RAPH1: variants seen among roughly 807,000 people sequenced by gnomAD.
RAPH1 encodes the protein Ras association (RalGDS/AF-6) and pleckstrin homology domains 1, also known as ras-associated and pleckstrin homology domains-containing protein 1.
In RAPH1, 18 loss-of-function variants were observed where a neutral mutation model predicts 88.1. The ratio of observed to expected loss-of-function variants is 0.20; its 90% CI spans 0.14 to 0.30. RAPH1 has a LOEUF of 0.30. Ranked by LOEUF, RAPH1 falls within the 10% of genes least tolerant of loss-of-function variation. RAPH1 has a pLI of 1.00. For synonymous variants in RAPH1, 587 were observed against 559.0 expected (o/e 1.05, Z -0.71); for missense variants, 1,448 against 1,543.2 (o/e 0.94, Z 1.03).
intron 4 of RAPH1, among the ~76,000 whole-genome samples, chr2:203,486,082 C>A: frequency 7.1e-6 from 1 of 140,876 alleles, no homozygotes. Context: ...TAAGGATAAT[C>A]CTGAAGACTA....
At chr2:203,465,752 T>A (rs1453820598) in intron 4 of RAPH1, among the ~76,000 whole-genome samples, 1 of 152,018 alleles carries the variant, frequency 6.6e-6, no homozygotes, top group African/African-American at 2.4e-5. Context: ...TGGTGGGCGC[T>A]TGTAATCCCA....
intron 1 of RAPH1, among the ~76,000 whole-genome samples, chr2:203,521,397 TA>T (rs1689862209): frequency 6.6e-6 from 1 of 152,140 alleles, no homozygotes; most frequent in African/African-American, 2.4e-5. Flanking sequence ...ATTGTTTATA[TA>T]AAATTCAAAA....
In RAPH1 at chr2:203,440,867, G is replaced by A; in HGVS notation, c.2323C>T (p.Pro775Ser). 6 of 1,441,724 alleles carry A rather than the reference G, an allele frequency of 4.2e-6. No individual in the cohort carries two copies. The highest frequency in any genetic ancestry group is 5.7e-6 in the Non-Finnish European group (6 of 1,049,046). The allele number at this position is 1,441,724 out of a possible 1,614,324, so 89.3% of individuals were successfully genotyped here. Reference sequence around the variant, plus strand: ...ACAAGGGGTTTTGGGGGAGCTTGGGGAGGGAGGGGTGCAGGGATAGGAGGA... The same window carrying A: ...ACAAGGGGTTTTGGGGGAGCTTGGGAAGGGAGGGGTGCAGGGATAGGAGGA... ...PPPPIPAPLP[P>S]QAPPKPLVTI... Residue 775 changes from proline to serine, a missense_variant, in exon 14 of 14, where the codon CCC (proline) becomes TCC (serine). By Grantham distance (74) the Pro-to-Ser change is moderately conservative. Coordinates refer to ENST00000319170, the MANE Select transcript of RAPH1 (RefSeq NM_213589.3).
At chr2:203,503,565 A>C (rs1688840978) in intron 1 of RAPH1, among the ~76,000 whole-genome samples, 1 of 152,164 alleles carries the variant, frequency 6.6e-6, no homozygotes, top group African/African-American at 2.4e-5. Flanking sequence ...GATACAATTC[A>C]AGTTGAGATT....
At position 203,439,881 on chromosome 2, in the gene RAPH1, G is replaced by A. The variant is rs1338464109; in HGVS notation, c.3309C>T (p.Val1103=). 4 of 1,613,852 alleles carry A rather than the reference G, an allele frequency of 2.5e-6. No individual in the cohort carries two copies. Among genetic ancestry groups the A allele is most frequent in the Non-Finnish European group, 3.4e-6 (4 of 1,180,002 alleles). Residue 1103 remains valine, a synonymous_variant, in exon 14 of 14, where the codon GTC becomes GTT. Transcript: ENST00000319170. The stretch of plus-strand genomic sequence containing the variant: ...ACCATTGTTGTGGTTGAGGATTAAC[G>A]ACTGCCACTTTTGGAGAGGTGTTTC... The part of the protein sequence containing the change: ...FSGNTSPKVA[V]VNPQPQQWSK...
intron 2 of RAPH1, 150 bp downstream of exon 2, chr2:203,495,084 T>A: frequency 1.3e-6 from 1 of 760,712 alleles, no homozygotes; most frequent in Non-Finnish European, 2.1e-6. Flanking sequence ...TGTTCTAGAA[T>A]GACTTCATTT....
intron 4 of RAPH1, among the ~76,000 whole-genome samples, chr2:203,478,245 A>G (rs2105772075): frequency 6.6e-6 from 1 of 152,174 alleles, no homozygotes; most frequent in South Asian, 2.1e-4. Flanking sequence ...AGTGTTAGCT[A>G]GGATGGTCTC....
intron 2 of RAPH1, among the ~76,000 whole-genome samples, chr2:203,493,053 T>C (rs1688344562): frequency 6.6e-6 from 1 of 152,212 alleles, no homozygotes; most frequent in Non-Finnish European, 1.5e-5. Flanking sequence ...AACAAGAAAC[T>C]TGAGGTTTTA....
intron 4 of RAPH1, among the ~76,000 whole-genome samples, chr2:203,475,531 C>T (rs1388713667): frequency 3.9e-5 from 6 of 152,142 alleles, no homozygotes; most frequent in South Asian, 2.1e-4. Context: ...TTTGTCATTA[C>T]AATTATAAAT....
At chr2:203,503,429 C>A (rs114534881) in intron 1 of RAPH1, among the ~76,000 whole-genome samples, 4,086 of 152,128 alleles carry the variant, frequency 0.027, 109 homozygotes, top group African/African-American at 0.068. Flanking sequence ...AAAGTGGAAA[C>A]CCATGATAAA....
At position 203,440,798 on chromosome 2, in the gene RAPH1, C is replaced by T; in HGVS notation, c.2392G>A (p.Val798Met). 1 of 1,596,490 alleles carries T rather than the reference C, an allele frequency of 6.3e-7. No individual in the cohort carries two copies. Among genetic ancestry groups the T allele is most frequent in the Non-Finnish European group, 8.5e-7 (1 of 1,173,112 alleles). The change falls in exon 14 of 14, where the codon GTG becomes ATG. Residue 798 changes from valine (V) to methionine (M), a missense_variant. Transcript: ENST00000319170. Reference sequence around the variant, plus strand: ...GGTGTGGGTGGTGCAGCTTGAGTCACAACAGGTGCCACAGTCTTGGTGCTG... The same window carrying T: ...GGTGTGGGTGGTGCAGCTTGAGTCATAACAGGTGCCACAGTCTTGGTGCTG... ...PTSTKTVAPVVTQAAPPTPTP... is the reference protein window; with the variant it reads ...PTSTKTVAPVMTQAAPPTPTP...
chr2:203,532,704 T>C (rs1690444279), intron 1 of RAPH1, among the ~76,000 whole-genome samples: 1 of 152,230 alleles, frequency 6.6e-6, no homozygotes, highest in African/African-American at 2.4e-5. Flanking sequence ...AATACATTTT[T>C]ATTGAGATTA....
rs2098511681 is a variant in RAPH1 at position 203,448,183 on chromosome 2, G to A, written c.1513-104C>T. 2.7e-6 allele frequency: 3 copies of A among 1,096,938 alleles called. No homozygotes were observed. The highest frequency in any genetic ancestry group is 1.7e-5 in the South Asian group (1 of 60,278). 68.0% of individuals were successfully genotyped at this position (1,096,938 alleles called of 1,614,324 possible). A position where few individuals can be genotyped will look rare whatever the true frequency, so the allele number is the denominator to read the frequency against. ...ATTTCTGTTTACTGATTGATGGTCT[G>A]TATTAAAATTAATACCTATGATAGT... On this transcript the variant is annotated intron_variant, in intron 11 of 13. Coordinates refer to ENST00000319170, the MANE Select transcript of RAPH1 (RefSeq NM_213589.3). This position sits in a 1 kb window ranked among gnomAD's most constrained non-coding sequence, Gnocchi z 4.1.
rs139750792 is a variant in RAPH1 at position 203,477,147 on chromosome 2, A to T, written c.732+12437T>A. ...GCCTGCTTGCTGGAACATCTCAGAG[A>T]AATAGCATGCTGTGAAAATGCAGTA... On this transcript the variant is annotated intron_variant, in intron 4 of 13. Transcript: ENST00000319170. 6.6e-5 allele frequency: 106 copies of T among 1,613,858 alleles called. No individual in the cohort carries two copies. In the African/African-American group the frequency reaches 1.3e-3, roughly 20 times the overall value.
chr2:203,448,048 T>G lies in RAPH1; in HGVS notation c.1544A>C (p.Glu515Ala). Reference sequence around the variant, plus strand: ...GGCTGACTCTGTCCTCTTCAAGGCTTCTTGGTAGTTCATATAGAGCTGCTT... The same window carrying G: ...GGCTGACTCTGTCCTCTTCAAGGCTGCTTGGTAGTTCATATAGAGCTGCTT... ...YGKQLYMNYQEALKRTESAYD... is the reference protein window; with the variant it reads ...YGKQLYMNYQAALKRTESAYD... The change falls in exon 12 of 14, where the codon GAA becomes GCA. Residue 515 changes from glutamate (E) to alanine (A), a missense_variant. Coordinates refer to ENST00000319170, the MANE Select transcript of RAPH1 (RefSeq NM_213589.3). The surrounding 1 kb of genome is among the most constrained non-coding windows in gnomAD (Gnocchi z 4.1). 1 of 1,613,908 alleles carries G rather than the reference T, an allele frequency of 6.2e-7. No homozygotes were observed. The highest frequency in any genetic ancestry group is 1.1e-5 in the South Asian group (1 of 91,070).
At chr2:203,510,497 G>A (rs796354187) in intron 1 of RAPH1, among the ~76,000 whole-genome samples, 1 of 152,148 alleles carries the variant, frequency 6.6e-6, no homozygotes, top group African/African-American at 2.4e-5. Context: ...GGAGAGCAGA[G>A]AGTATTCTCC....
intron 1 of RAPH1, among the ~76,000 whole-genome samples, chr2:203,519,956 T>C (rs1034929162): frequency 5.3e-5 from 8 of 152,218 alleles, no homozygotes; most frequent in African/African-American, 1.9e-4. Context: ...ACAGTGCTTT[T>C]AGTCAAAATT....
At chr2:203,533,128 GA>G (rs1488247305) in intron 1 of RAPH1, among the ~76,000 whole-genome samples, 13 of 152,056 alleles carry the variant, frequency 8.5e-5, no homozygotes, top group Admixed American at 8.5e-4. Flanking sequence ...AAATATTTGT[GA>G]AAACACACCC....
chr2:203,457,790 C>A (rs569058494), intron 7 of RAPH1, among the ~76,000 whole-genome samples, 195 bp from the exon 8 acceptor site: 1 of 152,302 alleles, frequency 6.6e-6, no homozygotes, highest in Admixed American at 6.5e-5. Context: ...CACTAAAATG[C>A]TTAACACCAG....
Sources: gnomAD v4.1 joint callset for allele counts (sites outside exome capture counted in the v4.1 genomes callset) on GRCh38, gnomAD v4.1.1 for gene constraint, Gnocchi (gnomAD v3.1) non-coding constraint, MANE v1.5 for transcripts, NCBI Gene and HGNC (gene_info 2026-07-23, HGNC 2026-07-21) for gene names.